The following SPHKAP variants were observed in gnomAD, a reference collection of about 807,000 sequenced individuals.
The protein encoded by SPHKAP is A-kinase anchor protein SPHKAP.
SPHKAP carries 67 observed loss-of-function variants against 137.5 expected under a neutral mutation model. That is an observed-to-expected ratio of 0.49 (90% CI 0.40 to 0.60). The LOEUF is 0.60. SPHKAP is among the 20% of genes least tolerant of loss of function. SPHKAP has a pLI of 0.00. For synonymous variants in SPHKAP, 813 were observed against 785.3 expected (o/e 1.04, Z -0.59); for missense variants, 2,097 against 2,069.3 (o/e 1.01, Z -0.26).
chr2:228,036,566 A>T (rs568787176), intron 3 of SPHKAP, among the ~76,000 whole-genome samples: 1 of 151,966 alleles, frequency 6.6e-6, no homozygotes, highest in African/African-American at 2.4e-5. Flanking sequence ...TCATGCTGCT[A>T]TAAAGACACA....
intron 3 of SPHKAP, among the ~76,000 whole-genome samples, chr2:228,102,977 T>A (rs1424025734): frequency 2.0e-5 from 3 of 152,182 alleles, no homozygotes; most frequent in Non-Finnish European, 4.4e-5. Flanking sequence ...ACTCCTGGGC[T>A]CAAGCAATCC....
intron 3 of SPHKAP, among the ~76,000 whole-genome samples, chr2:228,077,952 A>G (rs568430783): frequency 1.3e-5 from 2 of 152,160 alleles, no homozygotes; most frequent in African/African-American, 2.4e-5. Context: ...CACTGTTCTC[A>G]TGTCAGTGAA....
At chr2:228,011,206 A>G (rs1694352498) in intron 7 of SPHKAP, among the ~76,000 whole-genome samples, 1 of 149,682 alleles carries the variant, frequency 6.7e-6, no homozygotes, top group South Asian at 2.1e-4. Flanking sequence ...CCTCGTATCC[A>G]GAGCTTGAAC....
chr2:228,034,054 A>G (rs1434430048), intron 3 of SPHKAP, among the ~76,000 whole-genome samples: 1 of 152,204 alleles, frequency 6.6e-6, no homozygotes, highest in Admixed American at 6.5e-5. Context: ...GGAAATAGAG[A>G]CACAAAAAAT....
In SPHKAP at chr2:228,161,707, C is replaced by CAAAATAAAATAAAATAAAATAAAAT. The variant is rs374926708; in HGVS notation, c.32+19835_32+19859dup. Among the ~76,000 whole-genome samples, 613 of 151,198 alleles carry CAAAATAAAATAAAATAAAATAAAAT rather than the reference C, an allele frequency of 4.1e-3. 10 individuals carry two copies. The highest frequency in any genetic ancestry group is 0.014 in the African/African-American group (571 of 40,992). ...GTGCACCTTGGAACTAAAAATAGAACAAAATAAAATAAAATAAAATAAAAT... is the reference window on the plus strand; with the variant it reads ...GTGCACCTTGGAACTAAAAATAGAACAAAATAAAATAAAATAAAATAAAATAAAATAAAATAAAATAAAATAAAAT... On this transcript the variant is annotated intron_variant, in intron 1 of 11. Transcript: ENST00000392056.
At chr2:228,087,900 C>T (rs990258028) in intron 3 of SPHKAP, among the ~76,000 whole-genome samples, 3 of 152,250 alleles carry the variant, frequency 2.0e-5, no homozygotes, top group African/African-American at 7.2e-5. Context: ...CTAAAACCTA[C>T]AGACTTACTG....
chr2:228,047,466 CAA>C (rs1229956684), intron 3 of SPHKAP, among the ~76,000 whole-genome samples: 3 of 99,380 alleles, frequency 3.0e-5, no homozygotes, highest in Non-Finnish European at 6.0e-5. Context: ...AACTCCATCT[CAA>C]AAAAAAAAAA....
intron 3 of SPHKAP, among the ~76,000 whole-genome samples, chr2:228,070,746 G>A (rs181800266): frequency 3.3e-5 from 5 of 152,168 alleles, no homozygotes; most frequent in East Asian, 1.9e-4. Context: ...CTTCAGTGGC[G>A]CAATCATTCC....
intron 2 of SPHKAP, among the ~76,000 whole-genome samples, chr2:228,118,244 T>G (rs1455751227): frequency 1.5e-5 from 1 of 65,244 alleles, no homozygotes; most frequent in South Asian, 3.9e-4. Flanking sequence ...TACACAGTTT[T>G]TTTTTTTTTT....
At chr2:228,111,797 T>G (rs1698526386) in intron 2 of SPHKAP, among the ~76,000 whole-genome samples, 1 of 152,088 alleles carries the variant, frequency 6.6e-6, no homozygotes, top group South Asian at 2.1e-4. Flanking sequence ...GTTCAGAGCC[T>G]GACTTTGGAT....
intron 2 of SPHKAP, among the ~76,000 whole-genome samples, chr2:228,125,759 T>C (rs1699058094): frequency 6.6e-6 from 1 of 152,132 alleles, no homozygotes; most frequent in African/African-American, 2.4e-5. Flanking sequence ...AGTTTAGTAA[T>C]GGTGGTTGTA....
At chr2:228,037,493 C>G (rs1021127733) in intron 3 of SPHKAP, among the ~76,000 whole-genome samples, 1 of 152,156 alleles carries the variant, frequency 6.6e-6, no homozygotes, top group Admixed American at 6.5e-5. Context: ...AGTTACCACT[C>G]TTGATGGTAG....
At position 228,133,350 on chromosome 2, in the gene SPHKAP, T is replaced by C. The variant is rs558553047; in HGVS notation, c.33-1265A>G. ...ATAAATAAATAAATAAATAAATAAA[T>C]TACTTCTACATTTTCAACACGTGAT... On this transcript the variant is annotated intron_variant, in intron 1 of 11. Transcript: ENST00000392056. Among the ~76,000 whole-genome samples, 6 of 148,190 alleles carry C rather than the reference T, an allele frequency of 4.0e-5. 1 individual carries two copies. The highest frequency in any genetic ancestry group is 1.5e-4 in the African/African-American group (6 of 40,566).
At chr2:228,145,322 T>C (rs1699742407) in intron 1 of SPHKAP, among the ~76,000 whole-genome samples, 1 of 152,226 alleles carries the variant, frequency 6.6e-6, no homozygotes, top group African/African-American at 2.4e-5. Flanking sequence ...TATTGAGCCC[T>C]TTGTTCGATT....
chr2:228,041,893 G>C (rs1215684306), intron 3 of SPHKAP, among the ~76,000 whole-genome samples: 1 of 152,046 alleles, frequency 6.6e-6, no homozygotes, highest in Non-Finnish European at 1.5e-5. Context: ...GCCATGTCCT[G>C]TGGGTTGTGA....
rs749815195 is a variant in SPHKAP at position 228,018,556 on chromosome 2, A to T, written c.2298T>A (p.Thr766=). 9 of 1,613,888 alleles carry T rather than the reference A, an allele frequency of 5.6e-6. No individual in the cohort carries two copies. Among genetic ancestry groups the T allele is most frequent in the Non-Finnish European group, 7.6e-6 (9 of 1,179,846 alleles). ...TAAGTGGAGAGCTGCTGGAGGATTC[A>T]GTGGCTTTTGTCCAAGCTTGACTAG... ...PGASQAWTKA[T]ESSSSSPLSN... is the part of the protein sequence containing the mutation. The change falls in exon 7 of 12, where the codon ACT becomes ACA. Residue 766 remains threonine (T), a synonymous_variant. Coordinates refer to ENST00000392056, the MANE Select transcript of SPHKAP (RefSeq NM_001142644.2).
intron 1 of SPHKAP, among the ~76,000 whole-genome samples, chr2:228,158,227 C>A (rs919981614): frequency 6.6e-6 from 1 of 152,018 alleles, no homozygotes; most frequent in Non-Finnish European, 1.5e-5. Context: ...TGTCCACTAT[C>A]TGCATTCTTT....
intron 2 of SPHKAP, chr2:228,109,422 A>C: frequency 3.1e-6 from 3 of 959,916 alleles, no homozygotes; most frequent in Non-Finnish European, 3.7e-6. Flanking sequence ...TAGAACACCT[A>C]AGGTACTATG....
chr2:228,166,276 T>C (rs1229829751), intron 1 of SPHKAP, among the ~76,000 whole-genome samples: 2 of 152,230 alleles, frequency 1.3e-5, no homozygotes, highest in African/African-American at 4.8e-5. Context: ...ACATAATTCA[T>C]ATTTACTTAA....
Sources: allele counts gnomAD v4.1 joint callset (sites outside exome capture counted in the v4.1 genomes callset), GRCh38; gene constraint gnomAD v4.1.1; transcripts MANE v1.5; gene names NCBI Gene and HGNC (gene_info 2026-07-23, HGNC 2026-07-21).